CXCL13: variants seen among roughly 807,000 people sequenced by gnomAD.
The protein encoded by CXCL13 is C-X-C motif chemokine 13.
A neutral mutation model predicts 12.2 loss-of-function variants in CXCL13; 7 were observed. The observed-to-expected ratio is 0.57, with a 90% CI of 0.33 to 1.07. CXCL13 has a LOEUF of 1.07. Ranked by LOEUF, CXCL13 falls within the 50% of genes least tolerant of loss-of-function variation. The pLI is 0.04. For missense variants in CXCL13, 113 were observed against 127.4 expected (o/e 0.89, Z 0.55); for synonymous variants, 47 against 42.4 (o/e 1.11, Z -0.42).
intron 1 of CXCL13, among the ~76,000 whole-genome samples, chr4:77,556,444 G>T: frequency 6.6e-6 from 1 of 152,154 alleles, no homozygotes; most frequent in East Asian, 1.9e-4. Context: ...GTGTCTGGTG[G>T]TTGGGGGTGG....
chr4:77,576,071 A>G (rs1429247260), intron 1 of CXCL13, among the ~76,000 whole-genome samples: 2 of 151,996 alleles, frequency 1.3e-5, no homozygotes, highest in African/African-American at 4.8e-5. Flanking sequence ...AAGATGGTTT[A>G]TAATCAGCTA....
intron 1 of CXCL13, among the ~76,000 whole-genome samples, chr4:77,515,851 G>A (rs552437733): frequency 9.9e-5 from 15 of 152,138 alleles, no homozygotes; most frequent in Non-Finnish European, 2.1e-4. Flanking sequence ...TATGTTGAAT[G>A]GGAGTGGTGA....
chr4:77,572,343 G>A (rs777393468), intron 1 of CXCL13, among the ~76,000 whole-genome samples: 1 of 151,926 alleles, frequency 6.6e-6, no homozygotes, highest in African/African-American at 2.4e-5. Context: ...GGAGGTTGCA[G>A]TGAGCCAAGA....
chr4:77,553,578 G>T (rs1249131285), intron 1 of CXCL13, among the ~76,000 whole-genome samples: 1 of 152,184 alleles, frequency 6.6e-6, no homozygotes, highest in African/African-American at 2.4e-5. Flanking sequence ...ACAGAGATAG[G>T]CTCTCTGCCT....
At chr4:77,579,905 A>T (rs925343382) in intron 1 of CXCL13, among the ~76,000 whole-genome samples, 1 of 152,200 alleles carries the variant, frequency 6.6e-6, no homozygotes, top group Non-Finnish European at 1.5e-5. Context: ...ACTCAAGGGT[A>T]ACATCCTGAA....
intron 1 of CXCL13, among the ~76,000 whole-genome samples, chr4:77,580,398 C>T (rs774506504): frequency 8.5e-6 from 1 of 117,146 alleles, no homozygotes. Flanking sequence ...GCAATCTTGG[C>T]TCACTGCAAC....
chr4:77,559,934 A>AC (rs1372726884), intron 1 of CXCL13, among the ~76,000 whole-genome samples: 24 of 151,386 alleles, frequency 1.6e-4, no homozygotes, highest in African/African-American at 5.6e-4. Context: ...AAAAAAAAAA[A>AC]AAAAAACCTG....
chr4:77,576,436 T>C (rs1726198200), intron 1 of CXCL13, among the ~76,000 whole-genome samples: 1 of 152,246 alleles, frequency 6.6e-6, no homozygotes, highest in Non-Finnish European at 1.5e-5. Context: ...CAAGTATTCT[T>C]AACTTATGGC....
upstream of CXCL13, among the ~76,000 whole-genome samples, chr4:77,605,620 T>C (rs1423103561): frequency 6.6e-6 from 1 of 152,224 alleles, no homozygotes; most frequent in Non-Finnish European, 1.5e-5. Flanking sequence ...CTGGCACTTA[T>C]AGTCCATGTT....
chr4:77,540,975 G>A (rs946333004), intron 1 of CXCL13, among the ~76,000 whole-genome samples: 1 of 152,104 alleles, frequency 6.6e-6, no homozygotes, highest in African/African-American at 2.4e-5. Flanking sequence ...GTATCTCAAT[G>A]TGGTTTTGAT....
intron 1 of CXCL13, among the ~76,000 whole-genome samples, chr4:77,524,216 A>C (rs1336377271): frequency 6.6e-6 from 1 of 152,196 alleles, no homozygotes; most frequent in Non-Finnish European, 1.5e-5. Context: ...TAGTCTGTCC[A>C]TTCTCAGAGC....
At chr4:77,531,430 T>C (rs1724914561) in intron 1 of CXCL13, among the ~76,000 whole-genome samples, 2 of 151,940 alleles carry the variant, frequency 1.3e-5, no homozygotes, top group African/African-American at 4.8e-5. Context: ...ATAATTTCTG[T>C]TCTTCTACAT....
chr4:77,526,486 G>A (rs980631965), intron 1 of CXCL13, among the ~76,000 whole-genome samples: 1 of 151,680 alleles, frequency 6.6e-6, no homozygotes, highest in Non-Finnish European at 1.5e-5. Flanking sequence ...AATATTAAAA[G>A]GCAAATGATG....
At chr4:77,539,477 TC>T (rs1256975084) in intron 1 of CXCL13, among the ~76,000 whole-genome samples, 5 of 152,144 alleles carry the variant, frequency 3.3e-5, no homozygotes, top group African/African-American at 4.8e-5. Flanking sequence ...ACTTCCAAGG[TC>T]CTGCATCCCT....
At position 77,607,825 on chromosome 4, in the gene CXCL13, A is replaced by G. The variant is rs1727029465; in HGVS notation, c.187A>G (p.Lys63Glu). The change falls in exon 2 of 4, where the codon AAA becomes GAA. Residue 63 changes from lysine to glutamate, a missense_variant. Lys to Glu is a moderately conservative substitution (Grantham distance 56). Transcript: ENST00000682537. ...ILPRGNGCPR[K>E]EIIVWKKNKS... ...GCCCCGTGGGAATGGTTGTCCAAGA[A>G]AAGAAATCATGTAAGTTTCAAGAGA... 1 of 1,613,956 alleles carries G rather than the reference A, an allele frequency of 6.2e-7. No individual in the cohort carries two copies. Among genetic ancestry groups the G allele is most frequent in the Non-Finnish European group, 8.5e-7 (1 of 1,179,958 alleles).
chr4:77,588,506 C>A (rs1432507375), intron 1 of CXCL13, among the ~76,000 whole-genome samples: 1 of 152,180 alleles, frequency 6.6e-6, no homozygotes, highest in Non-Finnish European at 1.5e-5. Flanking sequence ...ACATCACTGA[C>A]AATGCTTGGA....
At chr4:77,581,372 C>T (rs933677192) in intron 1 of CXCL13, among the ~76,000 whole-genome samples, 1 of 152,106 alleles carries the variant, frequency 6.6e-6, no homozygotes, top group Non-Finnish European at 1.5e-5. Flanking sequence ...GTTGGATTAA[C>T]GTTGTTTAAA....
intron 1 of CXCL13, among the ~76,000 whole-genome samples, chr4:77,541,173 G>A (rs946262985): frequency 6.6e-6 from 1 of 152,104 alleles, no homozygotes; most frequent in Admixed American, 6.6e-5. Context: ...TGGATGCACA[G>A]TTTGTGAATA....
chr4:77,580,345 T>TTTTTTTTTTTTTTTTTTTTTTTTC (rs1726295954), intron 1 of CXCL13, among the ~76,000 whole-genome samples: 1 of 133,962 alleles, frequency 7.5e-6, no homozygotes, highest in Non-Finnish European at 1.6e-5. Context: ...TTTTTTTTTT[T>TTTTTTTTTTTTTTTTTTTTTTTTC]GAGATGGAGT....
Sources: allele counts gnomAD v4.1 joint callset (sites outside exome capture counted in the v4.1 genomes callset), GRCh38; gene constraint gnomAD v4.1.1; transcripts MANE v1.5; gene names NCBI Gene and HGNC (gene_info 2026-07-23, HGNC 2026-07-21).